The following ANAPC1 variants were observed in gnomAD, a reference collection of about 807,000 sequenced individuals.
ANAPC1 encodes the protein anaphase-promoting complex subunit 1.
A neutral mutation model predicts 208.0 loss-of-function variants in ANAPC1; 36 were observed. The observed-to-expected ratio is 0.17, with a 90% CI of 0.13 to 0.23. The LOEUF (loss-of-function observed/expected upper bound fraction) is 0.23, where lower values mean the gene tolerates loss of function less well. Ranked by LOEUF, ANAPC1 falls within the 10% of genes least tolerant of loss-of-function variation. The pLI is 1.00. For missense variants in ANAPC1, 942 were observed against 2,011.6 expected, an observed-to-expected ratio of 0.47 and a Z score of 10.17; for synonymous variants, 378 against 695.2, an observed-to-expected ratio of 0.54 and a Z score of 7.18.
intron 1 of ANAPC1, 121 bp from the exon 2 acceptor site, chr2:111,880,970 T>C (rs1344017991): frequency 4.4e-6 from 4 of 910,844 alleles, no homozygotes; most frequent in Non-Finnish European, 6.6e-6. Flanking sequence ...GACTGGTAAG[T>C]ATATAAGTTG....
At chr2:111,835,827 G>A (rs1301484108) in intron 18 of ANAPC1, among the ~76,000 whole-genome samples, 2 of 152,044 alleles carry the variant, frequency 1.3e-5, no homozygotes, top group African/African-American at 4.8e-5. Context: ...GGGCAACAGA[G>A]CGAGACTCCA....
chr2:111,788,143 G>A, intron 39 of ANAPC1, 91 bp downstream of exon 39: 1 of 1,519,498 alleles, frequency 6.6e-7, no homozygotes, highest in Non-Finnish European at 9.0e-7. Flanking sequence ...ATGCTAATTT[G>A]GAAATAATTC....
intron 47 of ANAPC1, 49 bp downstream of exon 47, chr2:111,772,292 A>T: frequency 6.2e-7 from 1 of 1,613,742 alleles, no homozygotes; most frequent in Non-Finnish European, 8.5e-7. Context: ...TAGAACATAA[A>T]GGGGTAGGTA....
intron 5 of ANAPC1, 125 bp downstream of exon 5, chr2:111,873,183 T>C (rs188848058): frequency 0.016 from 15,637 of 995,478 alleles, 300 homozygotes; most frequent in African/African-American, 0.075. Context: ...AAAATTTAGT[T>C]ATTTTGAGTA....
intron 29 of ANAPC1, among the ~76,000 whole-genome samples, chr2:111,807,389 G>A (rs866206147): frequency 6.6e-6 from 1 of 151,372 alleles, no homozygotes. Context: ...TTATAACAAT[G>A]ATCTATAAAA....
At position 111,863,712 on chromosome 2, in the gene ANAPC1, A is replaced by C. The variant is rs750283615; in HGVS notation, c.1015T>G (p.Ser339Ala). Residue 339 changes from serine (S) to alanine (A), a missense_variant, in exon 9 of 48, where the codon TCT (serine) becomes GCT (alanine). Coordinates refer to ENST00000341068, the MANE Select transcript of ANAPC1 (RefSeq NM_022662.4). ...SRSTSSPSLH[S>A]RSPSISNMAA... ...ATGTTGGAAATAGAAGGTGAGCGAGAATGTAGACTGGGTGATGAGGTTGAG... is the reference window on the plus strand; with the variant it reads ...ATGTTGGAAATAGAAGGTGAGCGAGCATGTAGACTGGGTGATGAGGTTGAG... 2.5e-6 allele frequency: 4 copies of C among 1,613,928 alleles called. No homozygotes were observed.
chr2:111,881,098 C>G (rs1683275229), intron 1 of ANAPC1, among the ~76,000 whole-genome samples: 1 of 151,208 alleles, frequency 6.6e-6, no homozygotes, highest in Admixed American at 6.6e-5. Flanking sequence ...GTACTTATGT[C>G]CCGCACCACC....
chr2:111,798,045 C>CA (rs1307900069), intron 34 of ANAPC1, among the ~76,000 whole-genome samples: 1 of 132,308 alleles, frequency 7.6e-6, no homozygotes, highest in Non-Finnish European at 1.6e-5. Context: ...AACCAGGATA[C>CA]AGGAAAATAC....
chr2:111,827,315 ATCTC>A (rs891639290), intron 21 of ANAPC1, among the ~76,000 whole-genome samples: 9 of 152,180 alleles, frequency 5.9e-5, no homozygotes, highest in African/African-American at 1.7e-4. Context: ...AGTACATAAG[ATCTC>A]TCTATTAAAT....
chr2:111,816,191 G>C (rs1391130486), intron 27 of ANAPC1, among the ~76,000 whole-genome samples: 1 of 150,024 alleles, frequency 6.7e-6, no homozygotes, highest in Non-Finnish European at 1.5e-5. Flanking sequence ...TTGAACCTGG[G>C]AGGCAGAGGT....
intron 10 of ANAPC1, among the ~76,000 whole-genome samples, chr2:111,860,909 A>T (rs3845221): frequency 0.022 from 3,309 of 150,624 alleles, 111 homozygotes; most frequent in African/African-American, 0.074. Context: ...GAATACAATA[A>T]TTCTTCAATT....
chr2:111,823,293 A>G (rs1206432310), intron 24 of ANAPC1, among the ~76,000 whole-genome samples: 1 of 152,014 alleles, frequency 6.6e-6, no homozygotes, highest in Non-Finnish European at 1.5e-5. Flanking sequence ...CTGGCATTAC[A>G]GGCATGAGCC....
At chr2:111,775,675 C>T (rs947149560) in intron 46 of ANAPC1, among the ~76,000 whole-genome samples, 9 of 152,176 alleles carry the variant, frequency 5.9e-5, no homozygotes, top group Middle Eastern at 3.4e-3. Flanking sequence ...AGAGAATGTT[C>T]TAATCACTGC....
chr2:111,790,406 G>C (rs897018597), intron 38 of ANAPC1, among the ~76,000 whole-genome samples: 3 of 152,162 alleles, frequency 2.0e-5, no homozygotes, highest in Non-Finnish European at 2.9e-5. Flanking sequence ...ATGGAGTATT[G>C]GTGCAAGTAC....
chr2:111,867,471 A>G (rs1682493497), intron 7 of ANAPC1, among the ~76,000 whole-genome samples: 1 of 152,016 alleles, frequency 6.6e-6, no homozygotes, highest in Admixed American at 6.6e-5. Context: ...TGGGTGGATC[A>G]CCTGAAGTCA....
At position 111,769,261 on chromosome 2, in the gene ANAPC1, G is replaced by A. The variant is rs372352370; in HGVS notation, c.*30C>T. 2.0e-4 allele frequency: 317 copies of A among 1,611,696 alleles called. 2 individuals are homozygous for A. The African/African-American group carries it at 3.4e-3, about 17-fold the overall frequency. On this transcript the variant is annotated 3_prime_UTR_variant, in exon 48 of 48. Coordinates refer to ENST00000341068, the MANE Select transcript of ANAPC1 (RefSeq NM_022662.4). ...GTCACGTTTGTTGTGCAGAAGTCAC[G>A]TTTCAGGGTAGGTTCACCGCCAGAC...
At chr2:111,844,427 G>A (rs1486722533) in intron 16 of ANAPC1, among the ~76,000 whole-genome samples, 1 of 151,562 alleles carries the variant, frequency 6.6e-6, no homozygotes, top group African/African-American at 2.4e-5. Context: ...AAATTAGTTG[G>A]GCATTGTGGC....
At chr2:111,783,161 A>G (rs1385534397) in intron 42 of ANAPC1, among the ~76,000 whole-genome samples, 3 of 152,186 alleles carry the variant, frequency 2.0e-5, no homozygotes, top group African/African-American at 7.2e-5. Context: ...AAGAGATGCA[A>G]CAAAAGATGT....
intron 6 of ANAPC1, among the ~76,000 whole-genome samples, chr2:111,869,016 G>C (rs955399720): frequency 3.3e-5 from 5 of 152,108 alleles, no homozygotes; most frequent in East Asian, 1.9e-4. Flanking sequence ...TAATTCATAG[G>C]GGGCAAGATA....
Sources: gnomAD v4.1 joint callset for allele counts (sites outside exome capture counted in the v4.1 genomes callset) on GRCh38, gnomAD v4.1.1 for gene constraint, MANE v1.5 for transcripts, NCBI Gene and HGNC (gene_info 2026-07-23, HGNC 2026-07-21) for gene names.